NRXN1: variants seen among roughly 807,000 people sequenced by gnomAD.
NRXN1 encodes neurexin 1.
NRXN1 carries 39 observed loss-of-function variants against 150.9 expected under a neutral mutation model. That is an observed-to-expected ratio of 0.26 (90% CI 0.20 to 0.34). NRXN1 has a LOEUF of 0.34. NRXN1 is among the 10% of genes least tolerant of loss of function. The pLI, the probability that NRXN1 is intolerant of heterozygous loss-of-function variation, is 1.00. For missense variants in NRXN1, 1,815 were observed against 1,949.9 expected, an observed-to-expected ratio of 0.93 and a Z score of 1.30; for synonymous variants, 924 against 757.0, an observed-to-expected ratio of 1.22 and a Z score of -3.62.
At chr2:50,013,506 C>T (rs3796036) in intron 21 of NRXN1, among the ~76,000 whole-genome samples, 70,469 of 151,788 alleles carry the variant, frequency 0.46, 16,957 homozygotes, top group Middle Eastern at 0.58. Flanking sequence ...TGCTTTAGCA[C>T]CACACGCTAA....
chr2:50,986,501 T>C (rs901815339), intron 2 of NRXN1, among the ~76,000 whole-genome samples: 1 of 151,770 alleles, frequency 6.6e-6, no homozygotes, highest in Non-Finnish European at 1.5e-5. Flanking sequence ...CGCAGATTTT[T>C]TTTTGAAAAC....
chr2:50,399,432 T>C (rs1257299820), intron 17 of NRXN1, among the ~76,000 whole-genome samples: 1 of 152,124 alleles, frequency 6.6e-6, no homozygotes, highest in Non-Finnish European at 1.5e-5. Flanking sequence ...ATTTTTCTTC[T>C]CGGTTTTTCC....
chr2:50,241,718 T>C (rs1426664378), intron 17 of NRXN1, among the ~76,000 whole-genome samples: 3 of 151,854 alleles, frequency 2.0e-5, no homozygotes, highest in African/African-American at 7.2e-5. Context: ...CTGCCTGTGA[T>C]GTTATAATCA....
intron 17 of NRXN1, among the ~76,000 whole-genome samples, chr2:50,384,931 A>G (rs2081224135): frequency 6.6e-6 from 1 of 152,152 alleles, no homozygotes; most frequent in Admixed American, 6.6e-5. Context: ...ATCTTGGAAC[A>G]GCCTTCCAAT....
At chr2:50,297,191 T>A (rs1410757368) in intron 17 of NRXN1, among the ~76,000 whole-genome samples, 3 of 152,042 alleles carry the variant, frequency 2.0e-5, no homozygotes, top group Non-Finnish European at 2.9e-5. Context: ...ACCCGGCTGG[T>A]TTGATTCTTT....
At chr2:50,951,891 C>A (rs1304829332) in intron 2 of NRXN1, among the ~76,000 whole-genome samples, 1 of 144,714 alleles carries the variant, frequency 6.9e-6, no homozygotes, top group African/African-American at 2.6e-5. Flanking sequence ...TCTCATATAA[C>A]TGGATTATCT....
At chr2:49,940,235 C>T (rs957238760) in intron 22 of NRXN1, among the ~76,000 whole-genome samples, 7 of 152,058 alleles carry the variant, frequency 4.6e-5, no homozygotes, top group Non-Finnish European at 1.0e-4. Context: ...CTCTCACTTG[C>T]CCAAGGACTA....
chr2:50,094,915 CAAATGCTTCCGAA>C (rs1273542147), intron 18 of NRXN1, among the ~76,000 whole-genome samples: 1 of 152,014 alleles, frequency 6.6e-6, no homozygotes, highest in Non-Finnish European at 1.5e-5. Context: ...TGTAAAGAAC[CAAATGCTTCCGAA>C]AAGTGCCTCC....
chr2:50,359,868 C>T (rs1463000260), intron 17 of NRXN1, among the ~76,000 whole-genome samples: 1 of 152,124 alleles, frequency 6.6e-6, no homozygotes, highest in Non-Finnish European at 1.5e-5. Context: ...AAAGGTTGGG[C>T]TACCCACAAA....
intron 17 of NRXN1, among the ~76,000 whole-genome samples, chr2:50,414,195 G>T (rs2083381412): frequency 6.6e-6 from 1 of 152,108 alleles, no homozygotes; most frequent in African/African-American, 2.4e-5. Flanking sequence ...TAACTTAAAA[G>T]AGTGTAACTG....
At chr2:50,927,715 T>A (rs1687116200) in intron 2 of NRXN1, among the ~76,000 whole-genome samples, 4 of 152,144 alleles carry the variant, frequency 2.6e-5, no homozygotes, top group African/African-American at 9.6e-5. Context: ...ATTTAATATG[T>A]ATTGTAAAAT....
intron 2 of NRXN1, among the ~76,000 whole-genome samples, chr2:50,950,144 TA>T (rs1691069506): frequency 6.6e-6 from 1 of 152,158 alleles, no homozygotes; most frequent in South Asian, 2.1e-4. Context: ...TTTTTTTCCA[TA>T]GTAATCTGGG....
intron 5 of NRXN1, among the ~76,000 whole-genome samples, chr2:50,824,450 T>C (rs2105845205): frequency 6.6e-6 from 1 of 152,180 alleles, no homozygotes; most frequent in East Asian, 1.9e-4. Flanking sequence ...AGGTGATGCC[T>C]AAAAAGACTA....
At chr2:50,795,468 T>C (rs949667178) in intron 5 of NRXN1, among the ~76,000 whole-genome samples, 3 of 152,094 alleles carry the variant, frequency 2.0e-5, no homozygotes, top group Non-Finnish European at 2.9e-5. Flanking sequence ...ACCTGGAAGA[T>C]TGCATTTTCT....
chr2:50,579,245 A>G (rs1671887695), intron 8 of NRXN1, among the ~76,000 whole-genome samples: 1 of 152,208 alleles, frequency 6.6e-6, no homozygotes, highest in Non-Finnish European at 1.5e-5. Context: ...GTTTTCTGAT[A>G]CTAAGTCTAG....
At chr2:50,827,833 T>C (rs1241569329) in intron 5 of NRXN1, among the ~76,000 whole-genome samples, 1 of 150,464 alleles carries the variant, frequency 6.6e-6, no homozygotes. Context: ...CCTTCAAGCA[T>C]CTGTTTAACA....
intron 17 of NRXN1, among the ~76,000 whole-genome samples, chr2:50,332,622 T>C (rs77347444): frequency 0.019 from 2,901 of 152,340 alleles, 100 homozygotes; most frequent in African/African-American, 0.067. Flanking sequence ...GTAAATTTGT[T>C]TGTCATTCTT....
intron 12 of NRXN1, chr2:50,526,923 G>T (rs1399344743): frequency 6.6e-6 from 1 of 152,126 alleles, no homozygotes; most frequent in African/African-American, 2.4e-5. Flanking sequence ...CTCAATACCA[G>T]AGTCTCATGA....
intron 17 of NRXN1, among the ~76,000 whole-genome samples, chr2:50,316,740 T>C (rs1337266685): frequency 1.3e-5 from 2 of 152,020 alleles, no homozygotes; most frequent in East Asian, 3.9e-4. Context: ...TTTGATTTAA[T>C]GAGAAATACA....
Sources: gnomAD v4.1 joint callset for allele counts (sites outside exome capture counted in the v4.1 genomes callset) on GRCh38, gnomAD v4.1.1 for gene constraint, MANE v1.5 for transcripts, NCBI Gene and HGNC (gene_info 2026-07-23, HGNC 2026-07-21) for gene names.